TRDN: variants seen among roughly 807,000 people sequenced by gnomAD.
TRDN encodes the protein triadin in skeletal muscle.
A neutral mutation model predicts 149.7 loss-of-function variants in TRDN; 161 were observed. The observed-to-expected ratio is 1.08, with a 90% CI of 0.95 to 1.23. The LOEUF (loss-of-function observed/expected upper bound fraction) is 1.23. Among genes scored for constraint, TRDN ranks in the 50% most tolerant of loss-of-function variants. The pLI, the probability that TRDN is intolerant of heterozygous loss-of-function variation, is 0.00. For synonymous variants in TRDN, 294 were observed against 250.5 expected (o/e 1.17, Z -1.64); for missense variants, 896 against 823.5 (o/e 1.09, Z -1.08).
intron 13 of TRDN, among the ~76,000 whole-genome samples, chr6:123,393,150 TA>T (rs1177634208): frequency 1.3e-5 from 2 of 152,044 alleles, no homozygotes; most frequent in Non-Finnish European, 2.9e-5. Context: ...AGATGGCTCA[TA>T]AAAATAGGAT....
At chr6:123,363,528 A>G (rs1780976573) in intron 20 of TRDN, among the ~76,000 whole-genome samples, 1 of 152,214 alleles carries the variant, frequency 6.6e-6, no homozygotes, top group Admixed American at 6.5e-5. Flanking sequence ...ATTTAAATTG[A>G]GAATTGGGGT....
chr6:123,472,541 AC>A (rs1329786958), intron 9 of TRDN, among the ~76,000 whole-genome samples: 1 of 152,238 alleles, frequency 6.6e-6, no homozygotes, highest in Non-Finnish European at 1.5e-5. Context: ...TCTTAGGAAA[AC>A]AAAGCAGCCG....
intron 12 of TRDN, among the ~76,000 whole-genome samples, chr6:123,421,805 CAAA>C (rs56022131): frequency 8.6e-5 from 8 of 92,644 alleles, no homozygotes; most frequent in African/African-American, 2.5e-4. Flanking sequence ...CCTTTCTCTA[CAAA>C]AAAAAAAAAA....
At chr6:123,578,888 G>C (rs780090668) in intron 1 of TRDN, among the ~76,000 whole-genome samples, 18 of 151,988 alleles carry the variant, frequency 1.2e-4, no homozygotes, top group Non-Finnish European at 2.2e-4. Flanking sequence ...TGTACTCCTA[G>C]GTGGTTTTTT....
At chr6:123,356,430 T>G (rs887491794) in intron 20 of TRDN, among the ~76,000 whole-genome samples, 2 of 149,490 alleles carry the variant, frequency 1.3e-5, no homozygotes, top group Admixed American at 6.7e-5. Context: ...CTGCATTTTA[T>G]CTTTCATACG....
At chr6:123,585,033 G>A (rs1235447176) in intron 1 of TRDN, among the ~76,000 whole-genome samples, 1 of 151,762 alleles carries the variant, frequency 6.6e-6, no homozygotes, top group African/African-American at 2.4e-5. Context: ...CTGTGGGATG[G>A]GATATTGGCA....
At chr6:123,259,486 A>G in intron 35 of TRDN, 138 bp downstream of exon 35, 1 of 610,750 alleles carries the variant, frequency 1.6e-6, no homozygotes, top group Non-Finnish European at 2.9e-6. Context: ...AATGTACTAT[A>G]ATTATGATAT....
chr6:123,259,510 A>T, intron 35 of TRDN, 114 bp downstream of exon 35: 1 of 683,006 alleles, frequency 1.5e-6, no homozygotes. Context: ...CTATAAAATC[A>T]GTGTCTTCAT....
chr6:123,285,424 C>T (rs754823173), intron 24 of TRDN, among the ~76,000 whole-genome samples: 11 of 152,016 alleles, frequency 7.2e-5, no homozygotes, highest in African/African-American at 1.9e-4. Context: ...CAAAGTAAAA[C>T]GTAAAGTGGG....
intron 22 of TRDN, among the ~76,000 whole-genome samples, chr6:123,334,766 C>G (rs541975208): frequency 1.3e-5 from 2 of 151,978 alleles, no homozygotes; most frequent in African/African-American, 4.8e-5. Flanking sequence ...AAGGCAAAAG[C>G]CTAATAATGT....
chr6:123,499,719 A>AAAAAAAAAAAAAAAAATAT, intron 8 of TRDN, among the ~76,000 whole-genome samples: 2 of 47,682 alleles, frequency 4.2e-5, no homozygotes, highest in Admixed American at 3.0e-4. Flanking sequence ...AAAAAAAAAA[A>AAAAAAAAAAAAAAAAATAT]ATATATATAT....
rs367664328 is a variant in TRDN, at chr6:123,438,159, G to C, written c.992-37C>G. The C allele has an allele frequency of 7.1e-5, 105 of 1,469,512 alleles. No individual in the cohort carries two copies. The African/African-American group carries it at 1.1e-3, about 15-fold the overall frequency. 91.0% of individuals were successfully genotyped at this position (1,469,512 alleles called of 1,614,324 possible). On this transcript the variant is annotated intron_variant, in intron 11 of 40. Coordinates refer to ENST00000334268, the MANE Select transcript of TRDN (RefSeq NM_006073.4). ...ATAAGAAAGTTATAAGCCTTTACCT[G>C]TTTAACTTGCAAATATTTCAGGGCA...
chr6:123,346,843 T>C (rs891828232), intron 21 of TRDN, among the ~76,000 whole-genome samples: 7 of 151,924 alleles, frequency 4.6e-5, no homozygotes, highest in African/African-American at 1.7e-4. Flanking sequence ...GATAAAGGGC[T>C]CAGAACTCTG....
chr6:123,606,457 C>A (rs1408714727), intron 1 of TRDN, among the ~76,000 whole-genome samples: 2 of 151,822 alleles, frequency 1.3e-5, no homozygotes, highest in Non-Finnish European at 2.9e-5. Context: ...ATGAATATGT[C>A]CATCTTATTA....
At chr6:123,523,713 A>C (rs141567717) in intron 5 of TRDN, among the ~76,000 whole-genome samples, 46 of 152,260 alleles carry the variant, frequency 3.0e-4, no homozygotes, top group African/African-American at 1.0e-3. Context: ...TGAAAGAGAC[A>C]AAAAGGTCTA....
Position 123,636,756 on chromosome 6 carries a change from T to C in TRDN, c.20A>G (p.Glu7Gly). The C allele has an allele frequency of 6.2e-7, 1 of 1,611,728 alleles. No individual in the cohort carries two copies. Residue 7 changes from glutamate (E) to glycine (G), a missense_variant and splice_region_variant, in exon 1 of 41, where the codon GAA becomes GGA. Coordinates refer to ENST00000334268, the MANE Select transcript of TRDN (RefSeq NM_006073.4). ...CTATCGGAAAATGGTAGCAATACCT[T>C]CAGCAGTGATCTCAGTCATGGTGGT... MTEITA[E>G]GNASTTTTVI...
chr6:123,626,361 T>C (rs1785666204), intron 1 of TRDN, among the ~76,000 whole-genome samples: 1 of 152,040 alleles, frequency 6.6e-6, no homozygotes, highest in African/African-American at 2.4e-5. Flanking sequence ...TGCACACCTA[T>C]AATCCCACTA....
chr6:123,225,653 T>A, intron 38 of TRDN, among the ~76,000 whole-genome samples: 1 of 151,726 alleles, frequency 6.6e-6, no homozygotes, highest in East Asian at 1.9e-4. Flanking sequence ...TCACATTGTA[T>A]ATCAAATATA....
chr6:123,280,126 AAGAT>A (rs1777528707), intron 24 of TRDN, among the ~76,000 whole-genome samples: 1 of 152,088 alleles, frequency 6.6e-6, no homozygotes, highest in Non-Finnish European at 1.5e-5. Context: ...CGGAGCTTAT[AAGAT>A]GGAGCTGGTA....
Sources: gnomAD v4.1 joint callset for allele counts (sites outside exome capture counted in the v4.1 genomes callset) on GRCh38, gnomAD v4.1.1 for gene constraint, MANE v1.5 for transcripts, NCBI Gene and HGNC (gene_info 2026-07-23, HGNC 2026-07-21) for gene names.